Variants in BNC2 observed in about 807,000 individuals in gnomAD.
The protein encoded by BNC2 is zinc finger protein basonuclin-2.
BNC2 carries 20 observed loss-of-function variants against 76.3 expected under a neutral mutation model. That is an observed-to-expected ratio of 0.26 (90% confidence interval 0.18 to 0.38). The LOEUF is 0.38. Among genes scored for constraint, BNC2 ranks in the 10% least tolerant of loss-of-function variants. BNC2 has a pLI of 1.00. For missense variants in BNC2, 1,382 were observed against 1,399.8 expected (o/e 0.99, Z 0.20); for synonymous variants, 582 against 514.8 (o/e 1.13, Z -1.77).
chr9:16,658,779 C>G (rs995809462), intron 3 of BNC2, among the ~76,000 whole-genome samples: 1 of 152,186 alleles, frequency 6.6e-6, no homozygotes, highest in Admixed American at 6.5e-5. Context: ...TACCAAATAA[C>G]CAGTGCTCTC....
chr9:16,573,889 G>A (rs1482667187), intron 4 of BNC2, among the ~76,000 whole-genome samples: 2 of 152,072 alleles, frequency 1.3e-5, no homozygotes, highest in Non-Finnish European at 2.9e-5. Flanking sequence ...GTAAGAAATG[G>A]GATGTATAAA....
At chr9:16,660,349 G>C (rs1195434443) in intron 3 of BNC2, among the ~76,000 whole-genome samples, 1 of 152,010 alleles carries the variant, frequency 6.6e-6, no homozygotes, top group Non-Finnish European at 1.5e-5. Context: ...AGCTACTAGG[G>C]AGGCTGAGGA....
chr9:16,449,950 A>C (rs1821307385), intron 5 of BNC2, among the ~76,000 whole-genome samples: 1 of 152,178 alleles, frequency 6.6e-6, no homozygotes, highest in African/African-American at 2.4e-5. Flanking sequence ...AAGGTTCATC[A>C]ATTTTAAATC....
At chr9:16,808,493 T>TTTC (rs1817967500) in intron 1 of BNC2, among the ~76,000 whole-genome samples, 1 of 134,324 alleles carries the variant, frequency 7.4e-6, no homozygotes, top group Non-Finnish European at 1.6e-5. Flanking sequence ...TTTTTTTTTT[T>TTTC]TTTTTTTTTT....
intron 3 of BNC2, among the ~76,000 whole-genome samples, chr9:16,720,513 A>G (rs2134864078): frequency 6.6e-6 from 1 of 152,244 alleles, no homozygotes; most frequent in East Asian, 1.9e-4. Flanking sequence ...AAATAACATT[A>G]CAGTTCAAAA....
chr9:16,679,819 T>C (rs1323102470), intron 3 of BNC2, among the ~76,000 whole-genome samples: 1 of 152,256 alleles, frequency 6.6e-6, no homozygotes, highest in Non-Finnish European at 1.5e-5. Context: ...GGAACTTGGC[T>C]CCTGCCAGAG....
intron 1 of BNC2, among the ~76,000 whole-genome samples, chr9:16,792,224 G>A (rs1260119876): frequency 2.3e-5 from 3 of 131,406 alleles, no homozygotes; most frequent in Admixed American, 8.4e-5. Context: ...CAACCTACGT[G>A]ATCAGTTGCA....
At chr9:16,611,974 A>C (rs918976670) in intron 3 of BNC2, among the ~76,000 whole-genome samples, 5 of 152,144 alleles carry the variant, frequency 3.3e-5, no homozygotes, top group African/African-American at 1.2e-4. Context: ...ACTTCAATAA[A>C]AGCACATTAC....
intron 3 of BNC2, among the ~76,000 whole-genome samples, chr9:16,628,137 C>T (rs746108806): frequency 2.0e-5 from 3 of 152,116 alleles, no homozygotes; most frequent in Non-Finnish European, 4.4e-5. Flanking sequence ...CATACTTTCC[C>T]GCAAGTACAG....
At chr9:16,821,806 A>C (rs1563958872) in intron 1 of BNC2, among the ~76,000 whole-genome samples, 2 of 151,860 alleles carry the variant, frequency 1.3e-5, no homozygotes, top group Admixed American at 6.6e-5. Context: ...AAAATTAGCC[A>C]GGTGGGGCTG....
intron 3 of BNC2, among the ~76,000 whole-genome samples, chr9:16,705,613 G>A (rs147326232): frequency 2.6e-5 from 4 of 152,094 alleles, no homozygotes; most frequent in South Asian, 2.1e-4. Flanking sequence ...CTGTTTAAAT[G>A]TAGGGATGCT....
chr9:16,571,233 G>A (rs1281359074), intron 4 of BNC2, among the ~76,000 whole-genome samples: 10 of 152,176 alleles, frequency 6.6e-5, no homozygotes, highest in Middle Eastern at 3.4e-3. Context: ...TTAATTAAAA[G>A]TGTGTTGATA....
intron 1 of BNC2, among the ~76,000 whole-genome samples, chr9:16,740,143 T>C (rs1999214): frequency 0.15 from 22,583 of 152,176 alleles, 2,397 homozygotes; most frequent in African/African-American, 0.28. Flanking sequence ...GGGAAAACAG[T>C]TGACAGAAGA....
intron 5 of BNC2, among the ~76,000 whole-genome samples, chr9:16,536,381 G>A (rs1818130484): frequency 6.6e-6 from 1 of 152,150 alleles, no homozygotes; most frequent in Non-Finnish European, 1.5e-5. Flanking sequence ...TTGTTGTGAA[G>A]TTCAGCAAAA....
chr9:16,650,077 C>T (rs912470900), intron 3 of BNC2, among the ~76,000 whole-genome samples: 1 of 152,052 alleles, frequency 6.6e-6, no homozygotes, highest in Admixed American at 6.5e-5. Context: ...AGGCAAAGAC[C>T]AAGAAAGCAA....
chr9:16,693,825 G>A (rs1360957528), intron 3 of BNC2, among the ~76,000 whole-genome samples: 4 of 152,192 alleles, frequency 2.6e-5, no homozygotes, highest in Non-Finnish European at 2.9e-5. Flanking sequence ...CACATCTGCT[G>A]CAAACATTAG....
intron 1 of BNC2, among the ~76,000 whole-genome samples, chr9:16,870,155 C>T (rs1819642908): frequency 6.6e-6 from 1 of 151,578 alleles, no homozygotes; most frequent in Non-Finnish European, 1.5e-5. Flanking sequence ...TGCGCCCCAG[C>T]GCACCCGGCA....
At position 16,630,749 on chromosome 9, in the gene BNC2, C is replaced by CTTTTTTTTCTTTT. The variant is rs755684997; in HGVS notation, c.331-47665_331-47664insAAAAGAAAAAAAA. Among the ~76,000 whole-genome samples the CTTTTTTTTCTTTT allele has an allele frequency of 5.0e-5, 7 of 140,194 alleles. 1 individual carries two copies. The highest frequency in any genetic ancestry group is 4.9e-4 in the Admixed American group (7 of 14,278). The allele number at this position is 140,194 out of a possible 152,430, so 92.0% of individuals were successfully genotyped here. On this transcript the variant is annotated intron_variant, in intron 3 of 6. Coordinates refer to ENST00000380672, the MANE Select transcript of BNC2 (RefSeq NM_017637.6). ...TATTATTTAAAAATGTGGAGCGTTT[C>CTTTTTTTTCTTTT]TTTTTTTGAAACAGAGTTTCACTCT...
intron 1 of BNC2, among the ~76,000 whole-genome samples, chr9:16,816,313 G>A (rs942980781): frequency 6.6e-6 from 1 of 152,220 alleles, no homozygotes; most frequent in African/African-American, 2.4e-5. Context: ...ATTTATGTGG[G>A]AAATCTGAGT....
Sources: gnomAD v4.1 joint callset for allele counts (sites outside exome capture counted in the v4.1 genomes callset) on GRCh38, gnomAD v4.1.1 for gene constraint, MANE v1.5 for transcripts, NCBI Gene and HGNC (gene_info 2026-07-23, HGNC 2026-07-21) for gene names.